PFKP: variants seen among roughly 807,000 people sequenced by gnomAD.
PFKP encodes ATP-dependent 6-phosphofructokinase, platelet type.
A neutral mutation model predicts 94.3 loss-of-function variants in PFKP; 101 were observed. The ratio of observed to expected loss-of-function variants is 1.07; its 90% confidence interval spans 0.91 to 1.26. The LOEUF (loss-of-function observed/expected upper bound fraction) is 1.26. Ranked by LOEUF, PFKP falls within the 50% of genes most tolerant of loss-of-function variation. The pLI, the probability that PFKP is intolerant of heterozygous loss-of-function variation, is 0.00. For missense variants in PFKP, 1,145 were observed against 1,103.3 expected, an observed-to-expected ratio of 1.04 and a Z score of -0.53; for synonymous variants, 573 against 432.6, an observed-to-expected ratio of 1.32 and a Z score of -4.03.
At chr10:3,104,047 G>C (rs538976045) in intron 5 of PFKP, 103 bp downstream of exon 5, 4 of 1,043,182 alleles carry the variant, frequency 3.8e-6, no homozygotes, top group Non-Finnish European at 5.5e-6. Flanking sequence ...TGGGTGTCCT[G>C]GTGCTGGTCT....
intron 8 of PFKP, chr10:3,107,890 A>AGACGGGGCTGCAGGCT: frequency 7.8e-7 from 1 of 1,289,372 alleles, no homozygotes; most frequent in Non-Finnish European, 1.0e-6. Flanking sequence ...CCCCTGCTGT[A>AGACGGGGCTGCAGGCT]GACGGGGCTG....
At position 3,126,096 on chromosome 10, in the gene PFKP, C is replaced by A. The variant is rs528745128; in HGVS notation, c.1684-3723C>A. 3.3e-5 allele frequency among the ~76,000 whole-genome samples: 5 copies of A among 152,330 alleles called. No homozygotes were observed. In the East Asian group the frequency reaches 9.7e-4, roughly 29 times the overall value. ...GCTCCGGAGTTTGCAGTGAAAACTCCCAGTCCTGCTGGAGACTCCTTAGTT... is the reference window on the plus strand; with the variant it reads ...GCTCCGGAGTTTGCAGTGAAAACTCACAGTCCTGCTGGAGACTCCTTAGTT... On this transcript the variant is annotated intron_variant, in intron 16 of 21. Coordinates refer to ENST00000381125, the MANE Select transcript of PFKP (RefSeq NM_002627.5).
chr10:3,106,260 ATGGGAGG>A (rs1835547325), intron 7 of PFKP, among the ~76,000 whole-genome samples: 1 of 108,348 alleles, frequency 9.2e-6, no homozygotes, highest in African/African-American at 3.6e-5. Flanking sequence ...GTCCTTCCCC[ATGGGAGG>A]CAGAAAGCAT....
At chr10:3,100,211 C>T (rs143455887) in intron 3 of PFKP, among the ~76,000 whole-genome samples, 7 of 151,926 alleles carry the variant, frequency 4.6e-5, no homozygotes, top group Non-Finnish European at 7.4e-5. Context: ...GGCTCTAGCT[C>T]CCATTGTGCT....
intron 20 of PFKP, among the ~76,000 whole-genome samples, chr10:3,134,900 T>C (rs1346108415): frequency 6.6e-6 from 1 of 152,222 alleles, no homozygotes; most frequent in Non-Finnish European, 1.5e-5. Flanking sequence ...AGTGGGGCCT[T>C]CTATTTTTTG....
rs749044899 is a variant in PFKP at position 3,133,356 on chromosome 10, T to C, written c.2022+42T>C. ...ATGAGGGGCCACAAAGCCCCTGTCATGTGACTTTTAAAAGATTAGTGTCTT... is the reference window on the plus strand; with the variant it reads ...ATGAGGGGCCACAAAGCCCCTGTCACGTGACTTTTAAAAGATTAGTGTCTT... On this transcript the variant is annotated intron_variant, in intron 19 of 21. Transcript: ENST00000381125. 13 of 1,206,042 alleles carry C rather than the reference T, an allele frequency of 1.1e-5. 1 individual carries two copies. In the Admixed American group the frequency reaches 2.0e-4, roughly 19 times the overall value. The allele number at this position is 1,206,042 out of a possible 1,614,324, so 74.7% of individuals were successfully genotyped here.
chr10:3,071,922 G>T (rs1405942558), intron 1 of PFKP, among the ~76,000 whole-genome samples: 2 of 152,216 alleles, frequency 1.3e-5, no homozygotes, highest in Non-Finnish European at 2.9e-5. Flanking sequence ...CGCCTGAGTT[G>T]CACCACCTTC....
chr10:3,079,777 A>G (rs907810768), intron 1 of PFKP, among the ~76,000 whole-genome samples: 1 of 151,478 alleles, frequency 6.6e-6, no homozygotes, highest in Non-Finnish European at 1.5e-5. Context: ...TAATTCATCC[A>G]TTAGAGTGAC....
chr10:3,074,658 T>G (rs1832446697), intron 1 of PFKP, among the ~76,000 whole-genome samples: 3 of 152,274 alleles, frequency 2.0e-5, no homozygotes, highest in South Asian at 4.1e-4. Flanking sequence ...GGCACTCAGC[T>G]GTTACAGCTG....
At position 3,113,467 on chromosome 10, in the gene PFKP, C is replaced by T; in HGVS notation, c.1320C>T (p.Gly440=). ...CTGTGCGCGTGGGCATTGCCGACGG[C>T]CACAGGATGCTCGCCATCTATGATG... ...RSAVRVGIAD[G]HRMLAIYDGF... Residue 440 remains glycine, a synonymous_variant, in exon 13 of 22, where the codon GGC becomes GGT. Coordinates refer to ENST00000381125, the MANE Select transcript of PFKP (RefSeq NM_002627.5). 6.2e-7 allele frequency: 1 copy of T among 1,613,260 alleles called. No homozygotes were observed. The highest frequency in any genetic ancestry group is 8.5e-7 in the Non-Finnish European group (1 of 1,179,874).
chr10:3,117,328 C>T (rs531244612), intron 14 of PFKP, among the ~76,000 whole-genome samples: 1 of 152,268 alleles, frequency 6.6e-6, no homozygotes, highest in South Asian at 2.1e-4. Context: ...TTCAGACCTA[C>T]AGTAAGCCTG....
intron 17 of PFKP, among the ~76,000 whole-genome samples, chr10:3,131,087 CTT>C (rs1283445235): frequency 6.6e-6 from 1 of 151,828 alleles, no homozygotes; most frequent in Non-Finnish European, 1.5e-5. Flanking sequence ...AAAAACATAT[CTT>C]TTTACATATA....
At chr10:3,126,991 C>T (rs1449660415) in intron 16 of PFKP, among the ~76,000 whole-genome samples, 1 of 152,272 alleles carries the variant, frequency 6.6e-6, no homozygotes, top group African/African-American at 2.4e-5. Flanking sequence ...CCTCTGCCAT[C>T]CTTCCACCCA....
intron 16 of PFKP, among the ~76,000 whole-genome samples, chr10:3,124,852 T>A (rs920458560): frequency 6.6e-6 from 1 of 152,020 alleles, no homozygotes; most frequent in Non-Finnish European, 1.5e-5. Flanking sequence ...ACCACCCCGC[T>A]GTGCTGCCTG....
In PFKP at chr10:3,103,780, C is replaced by T. The variant is rs1364580172; in HGVS notation, c.456C>T (p.Gly152=). Residue 152 remains glycine, a splice_region_variant and synonymous_variant, in exon 5 of 22, where the codon GGC becomes GGT. Transcript: ENST00000381125. ...ACGTGCTGTTTGCTCCCCGCGCAGG[C>T]CAGATCGATAAGGAGGCCGTGCAGA... ...SGLLEELARN[G]QIDKEAVQKY... is the part of the protein sequence containing the mutation. 1 of 1,613,882 alleles carries T rather than the reference C, an allele frequency of 6.2e-7. No individual in the cohort carries two copies.
At chr10:3,082,059 TCA>T (rs1417751490) in intron 1 of PFKP, among the ~76,000 whole-genome samples, 26 of 135,752 alleles carry the variant, frequency 1.9e-4, no homozygotes, top group East Asian at 1.8e-3. Context: ...CCTTCTCAAA[TCA>T]CACACACACA....
In PFKP at chr10:3,081,286, GCCGGTCA is replaced by G. The variant is rs1564269524; in HGVS notation, c.113-1098_113-1092del. On this transcript the variant is annotated intron_variant, in intron 1 of 21. Coordinates refer to ENST00000381125, the MANE Select transcript of PFKP (RefSeq NM_002627.5). ...GAAGATTTTTCTAAGCATCTTCTGA[GCCGGTCA>G]CCGTCCAAGTGCACATAGCCTGCCT... 2.0e-5 allele frequency among the ~76,000 whole-genome samples: 3 copies of G among 152,324 alleles called. No homozygotes were observed. In the South Asian group the frequency reaches 6.2e-4, roughly 32 times the overall value.
intron 16 of PFKP, among the ~76,000 whole-genome samples, chr10:3,123,328 G>A (rs944950091): frequency 1.3e-5 from 2 of 152,248 alleles, no homozygotes; most frequent in Non-Finnish European, 2.9e-5. Flanking sequence ...CCTCGTGACT[G>A]ATTCACAGCC....
At chr10:3,096,804 T>C (rs61835134) in intron 2 of PFKP, among the ~76,000 whole-genome samples, 53,362 of 143,530 alleles carry the variant, frequency 0.37, 10,119 homozygotes, top group Middle Eastern at 0.43. Flanking sequence ...GGAGGCCGGG[T>C]GCGGCGGCTC....
Sources: gnomAD v4.1 joint callset for allele counts (sites outside exome capture counted in the v4.1 genomes callset) on GRCh38, gnomAD v4.1.1 for gene constraint, MANE v1.5 for transcripts, NCBI Gene and HGNC (gene_info 2026-07-23, HGNC 2026-07-21) for gene names.